Variants in SEC16B observed in about 807,000 individuals in gnomAD.
The protein encoded by SEC16B is protein transport protein Sec16B.
SEC16B carries 115 observed loss-of-function variants against 141.8 expected under a neutral mutation model. The ratio of observed to expected loss-of-function variants is 0.81; its 90% CI spans 0.70 to 0.95. The LOEUF is 0.95. SEC16B is among the 40% of genes least tolerant of loss of function. SEC16B has a pLI of 0.00. For synonymous variants in SEC16B, 493 were observed against 492.5 expected (o/e 1.00, Z -0.01); for missense variants, 1,291 against 1,312.3 (o/e 0.98, Z 0.25).
intron 25 of SEC16B, 133 bp from the exon 26 acceptor site, chr1:177,930,062 G>A (rs1650300474): frequency 1.2e-5 from 10 of 812,724 alleles, no homozygotes; most frequent in South Asian, 7.2e-5. Context: ...TTCTAATTGC[G>A]TACCTCCACC....
chr1:177,965,914 G>A lies in SEC16B; in HGVS notation c.391C>T (p.Gln131Ter). 3.1e-6 allele frequency: 5 copies of A among 1,592,892 alleles called. No homozygotes were observed. The highest frequency in any genetic ancestry group is 4.3e-6 in the Non-Finnish European group (5 of 1,167,738). The change falls in exon 3 of 26, where the codon CAG becomes TAG. Residue 131 changes from glutamine to a stop codon, truncating the protein, a stop_gained. Transcript: ENST00000308284. LOFTEE classifies it high-confidence loss of function. ...ATACCTCTTTCTTCCTGCAGCCACT[G>A]TGGGTGTCCATGATAGTAATAACTT... Reference protein sequence around the residue: ...YGSYYYHGHPQWLQEERVPRQ... With the variant: ...YGSYYYHGHP
At chr1:177,940,820 A>G in intron 16 of SEC16B, 106 bp from the exon 17 acceptor site, 1 of 681,548 alleles carries the variant, frequency 1.5e-6, no homozygotes, top group East Asian at 2.8e-5. Flanking sequence ...AGGAAAAAGG[A>G]GAAAGAGAGC....
intron 5 of SEC16B, among the ~76,000 whole-genome samples, chr1:177,962,736 A>G (rs760381419): frequency 9.2e-5 from 14 of 151,750 alleles, no homozygotes; most frequent in Non-Finnish European, 1.8e-4. Context: ...ACAGAGCAAC[A>G]CTCTGTCTCT....
intron 11 of SEC16B, among the ~76,000 whole-genome samples, chr1:177,953,288 G>A (rs927777066): frequency 2.0e-5 from 3 of 152,152 alleles, no homozygotes; most frequent in South Asian, 2.1e-4. Context: ...TTACAGGCAT[G>A]AGCCACCACA....
chr1:177,941,841 A>T, intron 16 of SEC16B, 59 bp downstream of exon 16: 1 of 1,574,346 alleles, frequency 6.4e-7, no homozygotes, highest in Non-Finnish European at 8.6e-7. Flanking sequence ...CTGCTCTACG[A>T]TGGCTTTCTC....
At chr1:177,962,588 TA>T (rs1232732424) in intron 5 of SEC16B, among the ~76,000 whole-genome samples, 1 of 150,314 alleles carries the variant, frequency 6.7e-6, no homozygotes, top group Non-Finnish European at 1.5e-5. Context: ...AAACAAAACA[TA>T]AAAAAATTTA....
chr1:177,964,727 G>A (rs148532754), intron 4 of SEC16B, among the ~76,000 whole-genome samples: 1 of 152,196 alleles, frequency 6.6e-6, no homozygotes, highest in African/African-American at 2.4e-5. Flanking sequence ...ACCTAATCGT[G>A]AGAACTTTTG....
intron 1 of SEC16B, among the ~76,000 whole-genome samples, chr1:177,978,200 C>T (rs1310833977): frequency 6.6e-6 from 1 of 152,140 alleles, no homozygotes; most frequent in Non-Finnish European, 1.5e-5. Flanking sequence ...GGCTAAGTGT[C>T]CCCATTTGCT....
chr1:177,936,701 T>G (rs1650869292), intron 19 of SEC16B, among the ~76,000 whole-genome samples: 3 of 152,154 alleles, frequency 2.0e-5, no homozygotes, highest in Admixed American at 6.5e-5. Flanking sequence ...CTGGAAGGTC[T>G]AAGAGCTAAT....
intron 11 of SEC16B, 77 bp from the exon 12 acceptor site, chr1:177,952,072 T>TGTGG: frequency 8.1e-7 from 1 of 1,235,904 alleles, no homozygotes; most frequent in Non-Finnish European, 1.2e-6. Flanking sequence ...CTCAGGGCCT[T>TGTGG]GCATAATTCT....
intron 15 of SEC16B, 76 bp from the exon 16 acceptor site, chr1:177,942,116 T>C (rs1384810630): frequency 6.9e-6 from 10 of 1,454,344 alleles, no homozygotes; most frequent in African/African-American, 1.4e-5. Context: ...ATAAGACTTC[T>C]TGGAAGTCAG....
At chr1:177,970,228 A>C (rs182012926), upstream of SEC16B, 326 of 152,460 alleles carry the variant, frequency 2.1e-3, 2 homozygotes, top group African/African-American at 7.2e-3. Flanking sequence ...ATCACGGAAG[A>C]GAGACATCAG....
intron 10 of SEC16B, among the ~76,000 whole-genome samples, chr1:177,956,864 A>G: frequency 6.6e-6 from 1 of 152,148 alleles, no homozygotes; most frequent in East Asian, 1.9e-4. Context: ...TCTGGCTTAG[A>G]TGATTTTGTG....
rs568941355 is a variant in SEC16B, at chr1:177,934,530, G to A, written c.2572-894C>T. On this transcript the variant is annotated intron_variant, in intron 20 of 25. Transcript: ENST00000308284. The stretch of plus-strand genomic sequence containing the variant: ...ATGAATATAGTGTTGACTTTGTGCC[G>A]GGCACTGTTTTAAGGGCTTTATATG... 5.3e-5 allele frequency among the ~76,000 whole-genome samples: 8 copies of A among 152,104 alleles called. No homozygotes were observed. In the East Asian group the frequency reaches 7.7e-4, roughly 15 times the overall value.
chr1:177,939,006 C>A (rs571096719), intron 18 of SEC16B, among the ~76,000 whole-genome samples: 1 of 152,198 alleles, frequency 6.6e-6, no homozygotes, highest in Non-Finnish European at 1.5e-5. Flanking sequence ...TCCACAGGCA[C>A]CCAGCCGGGC....
intron 10 of SEC16B, among the ~76,000 whole-genome samples, chr1:177,956,137 A>G (rs978670206): frequency 6.6e-5 from 10 of 152,184 alleles, no homozygotes; most frequent in African/African-American, 2.4e-4. Context: ...ATTTTTTTTT[A>G]ATTTCATTAT....
chr1:177,947,148 T>C (rs1252168706), intron 13 of SEC16B, among the ~76,000 whole-genome samples: 1 of 152,146 alleles, frequency 6.6e-6, no homozygotes, highest in Non-Finnish European at 1.5e-5. Context: ...CCCATAGCTA[T>C]TAAAGTTTAA....
At chr1:177,933,426 T>C in intron 21 of SEC16B, 58 bp downstream of exon 21, 3 of 1,587,776 alleles carry the variant, frequency 1.9e-6, no homozygotes, top group Non-Finnish European at 2.6e-6. Flanking sequence ...TGCACCACCC[T>C]CGAGGAAGGG....
intron 2 of SEC16B, 26 bp downstream of exon 2, chr1:177,967,657 A>G: frequency 6.5e-7 from 1 of 1,542,936 alleles, no homozygotes; most frequent in East Asian, 2.3e-5. Context: ...GGAGAGTTGC[A>G]TTCATTCCAA....
Sources: allele counts gnomAD v4.1 joint callset (sites outside exome capture counted in the v4.1 genomes callset), GRCh38; gene constraint gnomAD v4.1.1; transcripts MANE v1.5; gene names NCBI Gene and HGNC (gene_info 2026-07-23, HGNC 2026-07-21).